Variants in MTHFD2L observed in about 807,000 individuals in gnomAD.
MTHFD2L encodes the protein methylenetetrahydrofolate dehydrogenase (NADP+ dependent) 2 like.
Under a neutral mutation model 34.9 loss-of-function variants are expected in MTHFD2L, and 29 were observed. The ratio of observed to expected loss-of-function variants is 0.83; its 90% CI spans 0.62 to 1.13. The LOEUF is 1.13. MTHFD2L is among the 50% of genes most tolerant of loss of function. The pLI is 0.00. For synonymous variants in MTHFD2L, 167 were observed against 155.7 expected (o/e 1.07, Z -0.54); for missense variants, 481 against 446.5 (o/e 1.08, Z -0.70).
intron 6 of MTHFD2L, among the ~76,000 whole-genome samples, chr4:74,240,658 G>A (rs1741573537): frequency 6.6e-6 from 1 of 151,996 alleles, no homozygotes; most frequent in South Asian, 2.1e-4. Flanking sequence ...CGTTATCTCT[G>A]GTAGATAAAT....
rs1253754789 is a variant in MTHFD2L at position 74,158,308 on chromosome 4, G to C, written c.143+27G>C. ...TACGAGGGCTGCGGGCGCCGGGTGC[G>C]GAGCCGCTGGCGGTGGGAGGTCGGC... On this transcript the variant is annotated intron_variant, in intron 1 of 7. Transcript: ENST00000325278. 4.8e-6 allele frequency: 6 copies of C among 1,252,674 alleles called. No homozygotes were observed. The East Asian group carries it at 1.6e-4, about 34-fold the overall frequency. The allele number at this position is 1,252,674 out of a possible 1,614,324, so 77.6% of individuals were successfully genotyped here.
At chr4:74,255,300 T>C (rs1743888293) in intron 6 of MTHFD2L, among the ~76,000 whole-genome samples, 1 of 152,070 alleles carries the variant, frequency 6.6e-6, no homozygotes, top group Admixed American at 6.5e-5. Context: ...AATACAGTTG[T>C]AACTGTAAGA....
intron 6 of MTHFD2L, among the ~76,000 whole-genome samples, chr4:74,230,877 A>G (rs971138161): frequency 6.6e-6 from 1 of 152,206 alleles, no homozygotes; most frequent in South Asian, 2.1e-4. Context: ...TTCATTATTC[A>G]GCAGGATAGG....
intron 5 of MTHFD2L, among the ~76,000 whole-genome samples, chr4:74,205,617 T>C (rs1232818423): frequency 1.3e-5 from 2 of 152,142 alleles, no homozygotes; most frequent in Admixed American, 1.3e-4. Context: ...GCTTGAAATA[T>C]TTAGAGGAAT....
intron 5 of MTHFD2L, among the ~76,000 whole-genome samples, chr4:74,204,911 CA>C (rs1735041046): frequency 1.3e-5 from 2 of 151,930 alleles, no homozygotes; most frequent in Admixed American, 1.3e-4. Context: ...AGGATAAAAA[CA>C]AAAACATATA....
intron 6 of MTHFD2L, chr4:74,267,838 G>A (rs1336293262): frequency 6.1e-6 from 6 of 985,178 alleles, no homozygotes; most frequent in Non-Finnish European, 7.2e-6. Flanking sequence ...CTACTTGAAT[G>A]ATCCTATGAA....
chr4:74,142,881 T>C (rs1464374818), intron 1 of MTHFD2L, among the ~76,000 whole-genome samples: 1 of 152,192 alleles, frequency 6.6e-6, no homozygotes, highest in Non-Finnish European at 1.5e-5. Context: ...AGATTCTTGG[T>C]ACACTCTGCC....
rs1338884708 is a variant in MTHFD2L at position 74,239,564 on chromosome 4, T to C, written c.805+14170T>C. Among the ~76,000 whole-genome samples the C allele has an allele frequency of 2.0e-5, 3 of 152,270 alleles. No individual in the cohort carries two copies. In the East Asian group the frequency reaches 5.8e-4, roughly 29 times the overall value. ...CCCACATTTATTTTTGTTTAATTCATAATTGCTCATTTTAAAAATGACTTA... is the reference window on the plus strand; with the variant it reads ...CCCACATTTATTTTTGTTTAATTCACAATTGCTCATTTTAAAAATGACTTA... On this transcript the variant is annotated intron_variant, in intron 6 of 7. Transcript: ENST00000325278.
intron 1 of MTHFD2L, among the ~76,000 whole-genome samples, chr4:74,162,841 A>G (rs1390405051): frequency 6.6e-6 from 1 of 152,204 alleles, no homozygotes. Context: ...GTTCTTCTCT[A>G]CAAGCAGTTT....
chr4:74,140,076 G>A (rs764840253), intron 1 of MTHFD2L, among the ~76,000 whole-genome samples: 3 of 152,070 alleles, frequency 2.0e-5, no homozygotes, highest in Admixed American at 6.6e-5. Flanking sequence ...AACACTTTAG[G>A]AGGCCCAGGT....
At chr4:74,250,592 T>C (rs1210527978) in intron 6 of MTHFD2L, among the ~76,000 whole-genome samples, 1 of 152,228 alleles carries the variant, frequency 6.6e-6, no homozygotes, top group African/African-American at 2.4e-5. Flanking sequence ...TGGATATTGT[T>C]CTACTATTTC....
upstream of MTHFD2L, among the ~76,000 whole-genome samples, chr4:74,118,948 T>TCTGAGGTGGAG (rs1219615074): frequency 6.6e-6 from 1 of 152,156 alleles, no homozygotes; most frequent in African/African-American, 2.4e-5. Context: ...TGCCTGATGA[T>TCTGAGGTGGAG]CTGAGGTGGA....
intron 7 of MTHFD2L, among the ~76,000 whole-genome samples, chr4:74,290,740 C>T (rs1266998743): frequency 6.6e-6 from 1 of 151,936 alleles, no homozygotes; most frequent in African/African-American, 2.4e-5. Context: ...CTTCACGCTT[C>T]AGTTACCACC....
intron 7 of MTHFD2L, among the ~76,000 whole-genome samples, chr4:74,290,567 A>G (rs1748754614): frequency 6.6e-6 from 1 of 152,168 alleles, no homozygotes; most frequent in Non-Finnish European, 1.5e-5. Flanking sequence ...TGTTGTGAAG[A>G]TTAAATGAAA....
chr4:74,143,403 C>A, intron 1 of MTHFD2L: 5 of 985,234 alleles, frequency 5.1e-6, no homozygotes, highest in Non-Finnish European at 6.0e-6. Flanking sequence ...GCTGGTGCAG[C>A]ATGGAAACAC....
chr4:74,202,909 A>G (rs1734688552), intron 5 of MTHFD2L, among the ~76,000 whole-genome samples: 1 of 152,090 alleles, frequency 6.6e-6, no homozygotes, highest in Non-Finnish European at 1.5e-5. Context: ...CAGCATATAT[A>G]TATAGATTTC....
At chr4:74,234,650 A>T (rs1230750025) in intron 6 of MTHFD2L, among the ~76,000 whole-genome samples, 1 of 152,106 alleles carries the variant, frequency 6.6e-6, no homozygotes, top group African/African-American at 2.4e-5. Flanking sequence ...ATATATATAT[A>T]TAAACTTGGT....
chr4:74,294,014 G>A (rs965179603), intron 7 of MTHFD2L, among the ~76,000 whole-genome samples: 3 of 152,060 alleles, frequency 2.0e-5, no homozygotes, highest in African/African-American at 7.2e-5. Context: ...TTCTTTTTGG[G>A]GGAGGGAGTT....
intron 7 of MTHFD2L, among the ~76,000 whole-genome samples, chr4:74,300,032 A>G (rs1750098749): frequency 6.6e-6 from 1 of 152,054 alleles, no homozygotes; most frequent in Non-Finnish European, 1.5e-5. Context: ...GAGCAAAGGA[A>G]GAAAGGACTA....
Sources: gnomAD v4.1 joint callset for allele counts (sites outside exome capture counted in the v4.1 genomes callset) on GRCh38, gnomAD v4.1.1 for gene constraint, MANE v1.5 for transcripts, NCBI Gene and HGNC (gene_info 2026-07-23, HGNC 2026-07-21) for gene names.